Variants in SLC25A26 observed in about 807,000 individuals in gnomAD.
SLC25A26 encodes the protein solute carrier family 25 member 26.
SLC25A26 carries 36 observed loss-of-function variants against 37.8 expected under a neutral mutation model. The observed-to-expected ratio is 0.95, with a 90% CI of 0.73 to 1.26. SLC25A26 has a LOEUF of 1.26. Ranked by LOEUF, SLC25A26 falls within the 50% of genes most tolerant of loss-of-function variation. The pLI is 0.00. For missense variants in SLC25A26, 390 were observed against 331.1 expected (o/e 1.18, Z -1.38); for synonymous variants, 129 against 122.5 (o/e 1.05, Z -0.35).
chr3:66,181,196 T>A lies in SLC25A26; in HGVS notation c.-353-39546T>A, dbSNP rs1364093351. Among the ~76,000 whole-genome samples, 3 of 152,226 alleles carry A rather than the reference T, an allele frequency of 2.0e-5. No homozygotes were observed. The East Asian group carries it at 5.8e-4, about 29-fold the overall frequency. On this transcript the variant is annotated intron_variant, in intron 1 of 10. Coordinates refer to the SLC25A26 transcript ENST00000676754. ...TTTAACACTGAAAGGCAGATTGAAG[T>A]TCACTTGTGTATGTGACAAGGCATT...
upstream of SLC25A26, among the ~76,000 whole-genome samples, chr3:66,218,309 G>T (rs1161680258): frequency 6.6e-6 from 1 of 152,200 alleles, no homozygotes; most frequent in African/African-American, 2.4e-5. Context: ...TAATGTAAAA[G>T]TATTTGTATA....
At chr3:66,237,803 A>G (rs782073817) in intron 2 of SLC25A26, among the ~76,000 whole-genome samples, 8 of 152,240 alleles carry the variant, frequency 5.3e-5, no homozygotes, top group Non-Finnish European at 1.2e-4. Context: ...CCACAGCTCT[A>G]GAAGATTCTT....
intron 3 of SLC25A26, among the ~76,000 whole-genome samples, chr3:66,244,554 A>C (rs962827356): frequency 1.3e-5 from 2 of 152,246 alleles, no homozygotes; most frequent in Non-Finnish European, 2.9e-5. Context: ...AATAGCCCAC[A>C]GGGCCAGTTT....
intron 1 of SLC25A26, among the ~76,000 whole-genome samples, chr3:66,214,219 C>T (rs2106843343): frequency 6.6e-6 from 1 of 152,178 alleles, no homozygotes; most frequent in East Asian, 1.9e-4. Context: ...AAGAGCCTGG[C>T]AGCTATCTTT....
At chr3:66,241,506 TA>T (rs1408348732) in intron 2 of SLC25A26, among the ~76,000 whole-genome samples, 1 of 152,200 alleles carries the variant, frequency 6.6e-6, no homozygotes, top group Admixed American at 6.5e-5. Context: ...GTGATGTCAT[TA>T]AGATCACAGG....
At chr3:66,355,882 A>C (rs1052003811) in intron 6 of SLC25A26, 1 of 393,908 alleles carries the variant, frequency 2.5e-6, no homozygotes, top group Non-Finnish European at 5.0e-6. Flanking sequence ...GAGCAAGCCT[A>C]GGTTTGAAAA....
chr3:66,268,997 A>G (rs76810961), intron 5 of SLC25A26, among the ~76,000 whole-genome samples: 8,397 of 152,254 alleles, frequency 0.055, 261 homozygotes, highest in African/African-American at 0.067. Context: ...AGTCTCAGGT[A>G]GTATCTTTAT....
intron 5 of SLC25A26, among the ~76,000 whole-genome samples, chr3:66,313,216 A>G (rs2075433671): frequency 6.6e-6 from 1 of 152,088 alleles, no homozygotes; most frequent in South Asian, 2.1e-4. Context: ...CTGTGTCCTC[A>G]ATGGTATTGC....
At chr3:66,262,870 T>C (rs1295855307) in intron 4 of SLC25A26, among the ~76,000 whole-genome samples, 18 of 152,238 alleles carry the variant, frequency 1.2e-4, no homozygotes, top group Admixed American at 1.2e-3. Context: ...TGAGAGATTA[T>C]GAATGAATTT....
chr3:66,343,618 T>TACCA (rs1376827471), intron 5 of SLC25A26, among the ~76,000 whole-genome samples: 1 of 152,246 alleles, frequency 6.6e-6, no homozygotes, highest in Non-Finnish European at 1.5e-5. Flanking sequence ...AAGTATTAAG[T>TACCA]ACCAAGTAAG....
At chr3:66,325,984 T>C (rs1173296060) in intron 5 of SLC25A26, among the ~76,000 whole-genome samples, 1 of 151,620 alleles carries the variant, frequency 6.6e-6, no homozygotes, top group Non-Finnish European at 1.5e-5. Flanking sequence ...GGACTAGGAG[T>C]ACATTAGGGA....
intron 5 of SLC25A26, among the ~76,000 whole-genome samples, chr3:66,308,523 AACTT>A (rs1217437905): frequency 6.6e-6 from 1 of 152,192 alleles, no homozygotes; most frequent in Non-Finnish European, 1.5e-5. Flanking sequence ...CCCTGGCCAT[AACTT>A]CCAGTACTAT....
chr3:66,279,335 C>T (rs182867975), intron 5 of SLC25A26, among the ~76,000 whole-genome samples: 145 of 152,136 alleles, frequency 9.5e-4, no homozygotes, highest in Non-Finnish European at 1.8e-3. Context: ...TCCTGAAGGC[C>T]GCATAGCATA....
chr3:66,209,176 G>GAT (rs1210287034), intron 1 of SLC25A26, among the ~76,000 whole-genome samples: 4 of 115,114 alleles, frequency 3.5e-5, no homozygotes, highest in African/African-American at 1.3e-4. Context: ...GGTATATAAA[G>GAT]ATATATATAT....
intron 5 of SLC25A26, among the ~76,000 whole-genome samples, chr3:66,339,026 G>C (rs1374233088): frequency 6.6e-6 from 1 of 152,004 alleles, no homozygotes; most frequent in African/African-American, 2.4e-5. Flanking sequence ...TTATGCTGCA[G>C]GCTGGGATGC....
chr3:66,173,908 C>G (rs1465290483), intron 1 of SLC25A26, among the ~76,000 whole-genome samples: 1 of 152,088 alleles, frequency 6.6e-6, no homozygotes, highest in African/African-American at 2.4e-5. Flanking sequence ...AAAAAATTAG[C>G]TGGGCGTGGT....
chr3:66,375,274 G>T (rs908134381), intron 9 of SLC25A26, among the ~76,000 whole-genome samples: 2 of 152,232 alleles, frequency 1.3e-5, no homozygotes, highest in Non-Finnish European at 2.9e-5. Context: ...TAACACAGAA[G>T]TGTAAGGTGA....
intron 5 of SLC25A26, among the ~76,000 whole-genome samples, chr3:66,309,242 A>C (rs2075309402): frequency 6.6e-6 from 1 of 152,046 alleles, no homozygotes; most frequent in African/African-American, 2.4e-5. Flanking sequence ...TAGTCTTGGG[A>C]GGGTGTATGT....
Position 66,303,811 on chromosome 3 carries a change from T to A in SLC25A26, c.453+40432T>A, listed in dbSNP as rs570871666. Among the ~76,000 whole-genome samples the A allele has an allele frequency of 2.7e-4, 41 of 152,310 alleles. 1 individual carries two copies. In the South Asian group the frequency reaches 8.5e-3, roughly 32 times the overall value. On this transcript the variant is annotated intron_variant, in intron 5 of 9. Transcript: ENST00000354883. ...TTTCACACAGTGACAGTCAAGGTGT[T>A]GCAGGGACTGTGATCTCATCTGAGG...
Sources: allele counts gnomAD v4.1 joint callset (sites outside exome capture counted in the v4.1 genomes callset), GRCh38; gene constraint gnomAD v4.1.1; transcripts MANE v1.5; gene names NCBI Gene and HGNC (gene_info 2026-07-23, HGNC 2026-07-21).